CPVL: variants seen among roughly 807,000 people sequenced by gnomAD.
The protein encoded by CPVL is probable serine carboxypeptidase CPVL.
Under a neutral mutation model 63.7 loss-of-function variants are expected in CPVL, and 51 were observed. The observed-to-expected ratio is 0.80, with a 90% confidence interval of 0.64 to 1.01. CPVL has a LOEUF of 1.01. Ranked by LOEUF, CPVL falls within the 50% of genes least tolerant of loss-of-function variation. CPVL has a pLI of 0.00. For synonymous variants in CPVL, 195 were observed against 206.0 expected (o/e 0.95, Z 0.46); for missense variants, 530 against 573.1 (o/e 0.92, Z 0.77).
intron 2 of CPVL, among the ~76,000 whole-genome samples, chr7:29,113,245 G>A (rs545606551): frequency 7.9e-5 from 12 of 152,140 alleles, no homozygotes; most frequent in Non-Finnish European, 1.8e-4. Flanking sequence ...AGCAGCTCTC[G>A]GCCTCGCCCC....
chr7:29,071,641 AT>A, intron 9 of CPVL, 131 bp downstream of exon 9: 1 of 947,968 alleles, frequency 1.1e-6, no homozygotes, highest in Middle Eastern at 3.3e-4. Flanking sequence ...TCGCCTCCCG[AT>A]CTCCAATGGA....
chr7:29,115,976 A>T (rs1788738143), intron 2 of CPVL, among the ~76,000 whole-genome samples: 1 of 152,208 alleles, frequency 6.6e-6, no homozygotes, highest in Admixed American at 6.5e-5. Context: ...AGTATGTTTC[A>T]GACCTTCCCT....
At chr7:29,129,497 G>A (rs1379847398) in intron 1 of CPVL, among the ~76,000 whole-genome samples, 1 of 149,790 alleles carries the variant, frequency 6.7e-6, no homozygotes, top group Admixed American at 6.7e-5. Context: ...TTTGAGACGA[G>A]TCTCGCTCGG....
At chr7:29,070,453 T>C (rs966411914) in intron 9 of CPVL, among the ~76,000 whole-genome samples, 3 of 152,250 alleles carry the variant, frequency 2.0e-5, no homozygotes, top group Non-Finnish European at 4.4e-5. Flanking sequence ...CACATAAAAT[T>C]TGGTATTAAT....
chr7:29,023,459 A>G (rs1787205119), intron 12 of CPVL, among the ~76,000 whole-genome samples: 1 of 152,116 alleles, frequency 6.6e-6, no homozygotes, highest in Admixed American at 6.5e-5. Flanking sequence ...ATTACCTCCC[A>G]CCGGGTCCCT....
chr7:29,066,231 T>C (rs1783126506), intron 9 of CPVL, 110 bp from the exon 10 acceptor site: 1 of 658,810 alleles, frequency 1.5e-6, no homozygotes, highest in Admixed American at 2.7e-5. Flanking sequence ...ATTCCTTTAT[T>C]GTTTCATCCA....
At chr7:29,088,236 C>G (rs1278368827) in intron 6 of CPVL, among the ~76,000 whole-genome samples, 1 of 152,058 alleles carries the variant, frequency 6.6e-6, no homozygotes, top group Non-Finnish European at 1.5e-5. Context: ...TAAGTATGTC[C>G]CAAATATTGC....
intron 11 of CPVL, among the ~76,000 whole-genome samples, chr7:29,041,267 A>AG (rs1464714617): frequency 6.6e-6 from 1 of 151,732 alleles, no homozygotes; most frequent in African/African-American, 2.4e-5. Context: ...GGTAGAGACA[A>AG]GGTTTCACCA....
chr7:29,098,859 T>G (rs963422245), intron 3 of CPVL, among the ~76,000 whole-genome samples: 1 of 152,064 alleles, frequency 6.6e-6, no homozygotes, highest in Non-Finnish European at 1.5e-5. Context: ...GGTCAAGAGT[T>G]CGAGACCAGC....
At chr7:29,068,482 T>C (rs1490764168) in intron 9 of CPVL, among the ~76,000 whole-genome samples, 2 of 152,094 alleles carry the variant, frequency 1.3e-5, no homozygotes, top group African/African-American at 4.8e-5. Flanking sequence ...CACATCTGGT[T>C]GTGCAGCTCC....
At chr7:29,081,484 G>T (rs570759351) in intron 7 of CPVL, 189 of 152,346 alleles carry the variant, frequency 1.2e-3, no homozygotes, top group African/African-American at 4.3e-3. Flanking sequence ...ACACGGTGAG[G>T]CAGGGAGCCT....
At chr7:29,024,182 A>C (rs1404562657) in intron 12 of CPVL, among the ~76,000 whole-genome samples, 1 of 152,208 alleles carries the variant, frequency 6.6e-6, no homozygotes, top group Non-Finnish European at 1.5e-5. Flanking sequence ...TAACTGAAGA[A>C]TTCAATGAAT....
intron 12 of CPVL, chr7:29,009,229 AG>A (rs1459927351): frequency 6.6e-6 from 1 of 150,492 alleles, no homozygotes; most frequent in Non-Finnish European, 1.5e-5. Context: ...AGCTATGGAA[AG>A]AGAATACAAA....
chr7:29,072,569 A>C, intron 7 of CPVL, 146 bp from the exon 8 acceptor site: 1 of 845,450 alleles, frequency 1.2e-6, no homozygotes, highest in Non-Finnish European at 1.7e-6. Flanking sequence ...TATAGATTCC[A>C]TAATAGCAAA....
At chr7:28,996,391 A>G (rs950015032) in intron 12 of CPVL, 18 of 152,416 alleles carry the variant, frequency 1.2e-4, no homozygotes, top group African/African-American at 4.3e-4. Flanking sequence ...TTGGTTCTCA[A>G]AAAAATTAAA....
At chr7:29,098,702 C>T (rs1312120208) in intron 3 of CPVL, among the ~76,000 whole-genome samples, 1 of 152,136 alleles carries the variant, frequency 6.6e-6, no homozygotes, top group East Asian at 1.9e-4. Flanking sequence ...GGCTTTACTA[C>T]CCACCAGTGT....
At chr7:29,095,454 T>C (rs1184006479) in intron 4 of CPVL, among the ~76,000 whole-genome samples, 1 of 152,140 alleles carries the variant, frequency 6.6e-6, no homozygotes, top group Non-Finnish European at 1.5e-5. Flanking sequence ...ATAATATCCA[T>C]ATGTCCAATT....
intron 3 of CPVL, among the ~76,000 whole-genome samples, chr7:29,105,286 C>A (rs570780769): frequency 3.9e-5 from 6 of 152,174 alleles, no homozygotes; most frequent in Admixed American, 1.3e-4. Flanking sequence ...AGGAAGAAGA[C>A]GTGATCCAGA....
chr7:29,152,067 A>T (rs1477364750), intron 5 of CPVL, among the ~76,000 whole-genome samples: 4 of 152,192 alleles, frequency 2.6e-5, no homozygotes, highest in Non-Finnish European at 4.4e-5. Context: ...TATTGTGCCT[A>T]TGAAGAGTTG....
Sources: gnomAD v4.1 joint callset for allele counts (sites outside exome capture counted in the v4.1 genomes callset) on GRCh38, gnomAD v4.1.1 for gene constraint, MANE v1.5 for transcripts, NCBI Gene and HGNC (gene_info 2026-07-23, HGNC 2026-07-21) for gene names.